ADAMTS19: variants seen among roughly 807,000 people sequenced by gnomAD.
ADAMTS19 encodes A disintegrin and metalloproteinase with thrombospondin motifs 19.
A neutral mutation model predicts 153.3 loss-of-function variants in ADAMTS19; 93 were observed. That is an observed-to-expected ratio of 0.61 (90% confidence interval 0.51 to 0.72). The LOEUF is 0.72. Among genes scored for constraint, ADAMTS19 ranks in the 30% least tolerant of loss-of-function variants. The pLI, the probability that ADAMTS19 is intolerant of heterozygous loss-of-function variation, is 0.00. For synonymous variants in ADAMTS19, 600 were observed against 556.6 expected (o/e 1.08, Z -1.10); for missense variants, 1,482 against 1,552.1 (o/e 0.95, Z 0.76).
chr5:129,668,212 T>G (rs1754138370), intron 16 of ADAMTS19, among the ~76,000 whole-genome samples: 1 of 152,194 alleles, frequency 6.6e-6, no homozygotes, highest in Non-Finnish European at 1.5e-5. Context: ...AATTTTCCTC[T>G]TCTCTCTTAT....
At chr5:129,586,084 CCT>C (rs1749780206) in intron 7 of ADAMTS19, among the ~76,000 whole-genome samples, 1 of 152,038 alleles carries the variant, frequency 6.6e-6, no homozygotes, top group Non-Finnish European at 1.5e-5. Flanking sequence ...TCTTACACCC[CCT>C]GTCCACACAT....
chr5:129,590,490 C>T (rs1392563752), intron 7 of ADAMTS19, among the ~76,000 whole-genome samples: 1 of 152,154 alleles, frequency 6.6e-6, no homozygotes, highest in Non-Finnish European at 1.5e-5. Context: ...TACACTCACT[C>T]CTTTCTCTTT....
At chr5:129,581,880 C>A (rs780338523) in intron 7 of ADAMTS19, among the ~76,000 whole-genome samples, 1 of 152,054 alleles carries the variant, frequency 6.6e-6, no homozygotes, top group Non-Finnish European at 1.5e-5. Flanking sequence ...CATTCAGGAA[C>A]AGGTTGTTCA....
chr5:129,461,465 C>A lies in ADAMTS19; in HGVS notation c.455C>A (p.Pro152Gln), dbSNP rs971813871. The part of the protein sequence containing the change: ...APASWQPPPP[P>Q]QPPPSPPPAQ... ...GCCTCGTGGCAGCCGCCGCCTCCCC[C>A]GCAGCCGCCCCCGTCCCCGCCCCCG... is the stretch of plus-strand genomic sequence containing the variant. The change falls in exon 2 of 23, where the codon CCG (proline) becomes CAG (glutamine). Residue 152 changes from proline (P) to glutamine (Q), a missense_variant. This residue lies in a region of ADAMTS19 where 866 missense variants were observed against 827.7 expected (regional missense o/e 1.05). Transcript: ENST00000274487. The surrounding 1 kb of genome is among the most constrained non-coding windows in gnomAD (Gnocchi z 4.6). 68 of 1,461,952 alleles carry A rather than the reference C, an allele frequency of 4.7e-5. No individual in the cohort carries two copies. The highest frequency in any genetic ancestry group is 1.0e-4 in the Admixed American group (4 of 38,768). The allele number at this position is 1,461,952 out of a possible 1,614,324, so 90.6% of individuals were successfully genotyped here.
chr5:129,618,607 T>G (rs895872113), intron 8 of ADAMTS19, among the ~76,000 whole-genome samples: 2 of 152,022 alleles, frequency 1.3e-5, no homozygotes, highest in Admixed American at 6.6e-5. Flanking sequence ...TTATTTTGAT[T>G]TGCAGAAACA....
intron 21 of ADAMTS19, among the ~76,000 whole-genome samples, chr5:129,713,664 G>A (rs775241354): frequency 3.3e-5 from 5 of 151,902 alleles, no homozygotes; most frequent in Non-Finnish European, 4.4e-5. Flanking sequence ...GGGTGGCTGA[G>A]GCATGATAAT....
intron 10 of ADAMTS19, among the ~76,000 whole-genome samples, chr5:129,631,954 G>C (rs1318347026): frequency 2.6e-5 from 4 of 151,864 alleles, no homozygotes; most frequent in African/African-American, 9.7e-5. Context: ...ATTCTCTTTA[G>C]GATCCTACTT....
chr5:129,547,087 G>A (rs1442623239), intron 6 of ADAMTS19, among the ~76,000 whole-genome samples: 1 of 150,886 alleles, frequency 6.6e-6, no homozygotes, highest in Non-Finnish European at 1.5e-5. Context: ...CCATATGGAA[G>A]AAATGACTGT....
At chr5:129,619,358 GGTT>G (rs1260037804) in intron 8 of ADAMTS19, among the ~76,000 whole-genome samples, 1 of 151,890 alleles carries the variant, frequency 6.6e-6, no homozygotes, top group African/African-American at 2.4e-5. Context: ...TACCACATTT[GGTT>G]GTTTAACTCA....
chr5:129,539,615 T>TA (rs1752588277), intron 6 of ADAMTS19, among the ~76,000 whole-genome samples: 2 of 152,110 alleles, frequency 1.3e-5, no homozygotes, highest in African/African-American at 4.8e-5. Flanking sequence ...TGACATACTA[T>TA]ATATTGCATA....
intron 21 of ADAMTS19, among the ~76,000 whole-genome samples, chr5:129,719,207 G>A (rs1369410620): frequency 6.6e-6 from 1 of 152,146 alleles, no homozygotes; most frequent in African/African-American, 2.4e-5. Context: ...CTTTGGTAAA[G>A]TATTTAACAT....
intron 8 of ADAMTS19, among the ~76,000 whole-genome samples, chr5:129,605,840 G>A (rs955560464): frequency 5.1e-4 from 77 of 152,188 alleles, no homozygotes; most frequent in African/African-American, 1.7e-3. Context: ...ATGATAATTA[G>A]ACTGTCTACT....
At chr5:129,562,163 G>A (rs1581087752) in intron 7 of ADAMTS19, among the ~76,000 whole-genome samples, 1 of 152,130 alleles carries the variant, frequency 6.6e-6, no homozygotes, top group South Asian at 2.1e-4. Flanking sequence ...AGCTGGCTCA[G>A]CTCATAACTC....
intron 21 of ADAMTS19, among the ~76,000 whole-genome samples, chr5:129,729,181 C>T (rs1367307893): frequency 6.6e-6 from 1 of 151,968 alleles, no homozygotes; most frequent in Non-Finnish European, 1.5e-5. Context: ...AAATTATTTG[C>T]TAAAGGCAAA....
chr5:129,481,863 G>A (rs147050230), intron 2 of ADAMTS19, among the ~76,000 whole-genome samples: 315 of 152,102 alleles, frequency 2.1e-3, no homozygotes, highest in African/African-American at 6.7e-3. Flanking sequence ...AGGCCTTTTT[G>A]CCCTAAGATC....
chr5:129,561,180 A>G (rs7443645), intron 7 of ADAMTS19, among the ~76,000 whole-genome samples: 84,524 of 151,980 alleles, frequency 0.56, 24,897 homozygotes, highest in Non-Finnish European at 0.66. Flanking sequence ...GCTTTGTTTT[A>G]TATTTTTGAG....
At chr5:129,556,775 A>G (rs1272424979) in intron 7 of ADAMTS19, among the ~76,000 whole-genome samples, 2 of 152,186 alleles carry the variant, frequency 1.3e-5, no homozygotes, top group Non-Finnish European at 2.9e-5. Flanking sequence ...TGAGGGGGTT[A>G]CTAGTGAAGA....
At chr5:129,460,771 T>G (rs72789075) in intron 1 of ADAMTS19, 1 of 554,464 alleles carries the variant, frequency 1.8e-6, no homozygotes, top group Non-Finnish European at 3.2e-6. Context: ...CCTAAGTTGA[T>G]AGCAACGCTC....
chr5:129,471,023 A>G lies in ADAMTS19; in HGVS notation c.747+9266A>G, dbSNP rs553356106. 6.5e-4 allele frequency among the ~76,000 whole-genome samples: 77 copies of G among 117,950 alleles called. 1 individual carries two copies. The highest frequency in any genetic ancestry group is 2.2e-3 in the African/African-American group (69 of 30,780). 77.4% of individuals were successfully genotyped at this position (117,950 alleles called of 152,430 possible). On this transcript the variant is annotated intron_variant, in intron 2 of 22. Transcript: ENST00000274487. ...ATCAGCCATTTGACCATGCTCCTTG[A>G]TGTCCTGTTTCTTCAAGTGTGGTGT...
Sources: allele counts gnomAD v4.1 joint callset (sites outside exome capture counted in the v4.1 genomes callset), GRCh38; gene constraint gnomAD v4.1.1; regional missense constraint gnomAD v4.1.1; non-coding constraint Gnocchi (gnomAD v3.1); transcripts MANE v1.5; gene names NCBI Gene and HGNC (gene_info 2026-07-23, HGNC 2026-07-21).